The following NAA11 variants were observed in gnomAD, a reference collection of about 807,000 sequenced individuals.
NAA11 encodes the protein N-alpha-acetyltransferase 11.
Under a neutral mutation model 16.1 loss-of-function variants are expected in NAA11, and 15 were observed. The observed-to-expected ratio is 0.93, with a 90% CI of 0.62 to 1.44. The LOEUF (loss-of-function observed/expected upper bound fraction) is 1.44, where lower values mean the gene tolerates loss of function less well. NAA11 is among the 40% of genes most tolerant of loss of function. The probability of loss-of-function intolerance (pLI) is 0.00; values close to 1 mark genes in which losing one functional copy is unlikely to be tolerated. For missense variants in NAA11, 298 were observed against 291.3 expected (o/e 1.02, Z -0.17); for synonymous variants, 122 against 112.4 (o/e 1.09, Z -0.54).
chr4:79,272,090 T>C (rs1722507719), intron 2 of NAA11, among the ~76,000 whole-genome samples: 1 of 151,878 alleles, frequency 6.6e-6, no homozygotes, highest in Admixed American at 6.6e-5. Context: ...ACATATATTA[T>C]ATGTGTGTGT....
At chr4:79,209,439 G>T in the NAA11 span, among the ~76,000 whole-genome samples, 3 of 152,024 alleles carry the variant, frequency 2.0e-5, no homozygotes, top group Non-Finnish European at 4.4e-5. Context: ...GCGTTTTCAG[G>T]CCATTAAAGG....
chr4:79,270,411 AG>A (rs372992272), intron 2 of NAA11, among the ~76,000 whole-genome samples: 5,185 of 151,046 alleles, frequency 0.034, 137 homozygotes, highest in East Asian at 0.075. Context: ...AAAAGAGTCC[AG>A]GACCAGATGG....
At chr4:79,185,531 A>C in the NAA11 span, among the ~76,000 whole-genome samples, 1 of 152,346 alleles carries the variant, frequency 6.6e-6, no homozygotes, top group East Asian at 1.9e-4. Flanking sequence ...AGATGATCCT[A>C]TAACTCTTTG....
chr4:79,193,915 G>T, the NAA11 span, among the ~76,000 whole-genome samples: 2 of 152,118 alleles, frequency 1.3e-5, no homozygotes, highest in African/African-American at 4.8e-5. Context: ...GCAGTGGTTT[G>T]TAGTTCTCCT....
chr4:79,302,299 G>A (rs970091021), intron 1 of NAA11, among the ~76,000 whole-genome samples: 3 of 152,012 alleles, frequency 2.0e-5, no homozygotes, highest in African/African-American at 7.2e-5. Flanking sequence ...AAATGTATTG[G>A]TATTCTTTTC....
intron 2 of NAA11, among the ~76,000 whole-genome samples, chr4:79,228,952 T>C (rs1721390930): frequency 6.6e-6 from 1 of 152,054 alleles, no homozygotes; most frequent in South Asian, 2.1e-4. Flanking sequence ...TTCTAGTTAC[T>C]TTATATGCTT....
chr4:79,240,225 A>G (rs1482737995), intron 2 of NAA11, among the ~76,000 whole-genome samples: 4 of 152,176 alleles, frequency 2.6e-5, no homozygotes, highest in African/African-American at 9.7e-5. Context: ...AGCAAAAGAA[A>G]TGTAGCAATG....
the NAA11 span, among the ~76,000 whole-genome samples, chr4:79,187,841 C>CAA: frequency 2.7e-5 from 4 of 150,772 alleles, no homozygotes; most frequent in African/African-American, 9.8e-5. Flanking sequence ...CTAAAAAATA[C>CAA]AAAAAAAATT....
chr4:79,300,726 G>T (rs1054530073), intron 1 of NAA11, among the ~76,000 whole-genome samples: 2 of 152,206 alleles, frequency 1.3e-5, no homozygotes, highest in Admixed American at 1.3e-4. Flanking sequence ...TTAAGTGTGT[G>T]TGTGTTTTTA....
chr4:79,182,302 T>A, the NAA11 span, among the ~76,000 whole-genome samples: 1 of 152,222 alleles, frequency 6.6e-6, no homozygotes, highest in African/African-American at 2.4e-5. Flanking sequence ...ACAATTAAGC[T>A]CCTGGTCAGG....
At chr4:79,263,505 A>G (rs7681755) in intron 2 of NAA11, among the ~76,000 whole-genome samples, 112,947 of 152,110 alleles carry the variant, frequency 0.74, 45,259 homozygotes, top group East Asian at 1. Context: ...GAGGTCTAGC[A>G]AGACTAATGT....
At chr4:79,204,991 T>C in the NAA11 span, among the ~76,000 whole-genome samples, 12 of 151,828 alleles carry the variant, frequency 7.9e-5, 1 homozygote, top group African/African-American at 2.4e-4. Flanking sequence ...TATATGTATA[T>C]AAAGAAATTG....
chr4:79,303,071 GCCTTTTATATATATATATATATAT>G (rs1332468217), intron 1 of NAA11, among the ~76,000 whole-genome samples: 1 of 86,596 alleles, frequency 1.2e-5, no homozygotes, highest in African/African-American at 4.8e-5. Flanking sequence ...TTCTCTTGAG[GCCTTTTATATATATATATATATAT>G]ATATATATAT....
intron 2 of NAA11, among the ~76,000 whole-genome samples, chr4:79,285,097 C>A (rs1251952979): frequency 6.6e-6 from 1 of 152,032 alleles, no homozygotes; most frequent in Non-Finnish European, 1.5e-5. Flanking sequence ...TCTTAAGTTG[C>A]AAGTTGCTTT....
At chr4:79,309,507 G>C (rs574698838) in intron 1 of NAA11, among the ~76,000 whole-genome samples, 1 of 152,136 alleles carries the variant, frequency 6.6e-6, no homozygotes, top group South Asian at 2.1e-4. Context: ...TAAGAGATTT[G>C]ATGTGTTCTC....
intron 2 of NAA11, among the ~76,000 whole-genome samples, chr4:79,250,129 C>T (rs867123345): frequency 1.3e-5 from 2 of 152,264 alleles, no homozygotes; most frequent in African/African-American, 2.4e-5. Flanking sequence ...GCAATCCACC[C>T]GCTATGAGGC....
downstream of NAA11, among the ~76,000 whole-genome samples, chr4:79,224,280 G>A (rs1461134964): frequency 1.3e-5 from 2 of 152,056 alleles, no homozygotes; most frequent in African/African-American, 4.8e-5. Flanking sequence ...GGGGTCAAGA[G>A]GCAAGTCACA....
At chr4:79,173,891 A>G in the NAA11 span, among the ~76,000 whole-genome samples, 1 of 152,090 alleles carries the variant, frequency 6.6e-6, no homozygotes, top group Non-Finnish European at 1.5e-5. Flanking sequence ...TGGAAATTTG[A>G]GCCATTGAAG....
chr4:79,254,214 A>G (rs2109969690), intron 2 of NAA11, among the ~76,000 whole-genome samples: 1 of 152,374 alleles, frequency 6.6e-6, no homozygotes, highest in East Asian at 1.9e-4. Flanking sequence ...CTGTTTATCT[A>G]TCGCATGTCC....
Sources: gnomAD v4.1 joint callset for allele counts (sites outside exome capture counted in the v4.1 genomes callset) on GRCh38, gnomAD v4.1.1 for gene constraint, MANE v1.5 for transcripts, NCBI Gene and HGNC (gene_info 2026-07-23, HGNC 2026-07-21) for gene names.